Variants in GABRA2 observed in about 807,000 individuals in gnomAD.
GABRA2 encodes the protein gamma-aminobutyric acid receptor subunit alpha-2.
A neutral mutation model predicts 48.7 loss-of-function variants in GABRA2; 16 were observed. The observed-to-expected ratio is 0.33, with a 90% CI of 0.22 to 0.50. The LOEUF (loss-of-function observed/expected upper bound fraction) is 0.50, where lower values mean the gene tolerates loss of function less well. Among genes scored for constraint, GABRA2 ranks in the 20% least tolerant of loss-of-function variants. GABRA2 has a pLI of 0.98. For synonymous variants in GABRA2, 185 were observed against 184.5 expected (o/e 1.00, Z -0.02); for missense variants, 275 against 535.6 (o/e 0.51, Z 4.80).
At chr4:46,266,664 A>C (rs526608) in intron 8 of GABRA2, among the ~76,000 whole-genome samples, 1 of 149,054 alleles carries the variant, frequency 6.7e-6, no homozygotes, top group Non-Finnish European at 1.5e-5. Flanking sequence ...ATGTGCTGAT[A>C]GATGGTTTTC....
intron 3 of GABRA2, among the ~76,000 whole-genome samples, chr4:46,377,485 GCCCCTCCGCCC>G (rs1308678442): frequency 7.5e-6 from 1 of 133,616 alleles, no homozygotes; most frequent in East Asian, 2.5e-4. Context: ...GAAGTGAGGA[GCCCCTCCGCCC>G]AGCAACCGCC....
rs928658111 is a variant in GABRA2 at position 46,362,392 on chromosome 4, C to T, written c.187+23682G>A. On this transcript the variant is annotated intron_variant, in intron 3 of 9. Transcript: ENST00000381620. ...TATGATTACAAGGCCTCCCCAGCCA[C>T]GTGGAACTGTAAGTCCATTAAAGTC... is the stretch of plus-strand genomic sequence containing the variant. Among the ~76,000 whole-genome samples, 5 of 152,224 alleles carry T rather than the reference C, an allele frequency of 3.3e-5. No individual in the cohort carries two copies. The East Asian group carries it at 7.7e-4, about 24-fold the overall frequency.
In GABRA2 at chr4:46,280,976, C is replaced by G. The variant is rs574125815; in HGVS notation, c.857-18848G>C. Among the ~76,000 whole-genome samples, 117 of 152,264 alleles carry G rather than the reference C, an allele frequency of 7.7e-4. 3 individuals are homozygous for G. The South Asian group carries it at 0.022, about 29-fold the overall frequency. On this transcript the variant is annotated intron_variant, in intron 8 of 9. Coordinates refer to ENST00000381620, the MANE Select transcript of GABRA2 (RefSeq NM_000807.4). ...TCACCAGAAACTGATCTTGCTGAAC[C>G]CTGATCATCGACTTCCAGTCTCCAG...
chr4:46,347,394 T>C (rs978526562), intron 3 of GABRA2, among the ~76,000 whole-genome samples: 1 of 151,854 alleles, frequency 6.6e-6, no homozygotes, highest in African/African-American at 2.4e-5. Flanking sequence ...TAAAACTACA[T>C]ATATCAACCA....
At chr4:46,259,586 A>G (rs1306069138) in intron 9 of GABRA2, among the ~76,000 whole-genome samples, 1 of 151,970 alleles carries the variant, frequency 6.6e-6, no homozygotes, top group Non-Finnish European at 1.5e-5. Context: ...CTTAAAACAT[A>G]CAATATCAAT....
At chr4:46,276,635 T>C (rs1486826856) in intron 8 of GABRA2, among the ~76,000 whole-genome samples, 2 of 151,146 alleles carry the variant, frequency 1.3e-5, no homozygotes, top group East Asian at 2.0e-4. Context: ...TTTGATGTCA[T>C]AATGATGTAA....
chr4:46,265,250 G>A (rs529584836), intron 8 of GABRA2, among the ~76,000 whole-genome samples: 2 of 149,420 alleles, frequency 1.3e-5, no homozygotes, highest in East Asian at 3.9e-4. Context: ...TGGCCTGGCT[G>A]GTCTCAAACT....
At chr4:46,286,266 G>A (rs1231397601) in intron 8 of GABRA2, among the ~76,000 whole-genome samples, 3 of 152,044 alleles carry the variant, frequency 2.0e-5, no homozygotes, top group African/African-American at 7.2e-5. Context: ...CATCCAGGTT[G>A]TAGCATATAT....
intron 3 of GABRA2, among the ~76,000 whole-genome samples, chr4:46,338,201 A>T (rs1033712461): frequency 6.6e-5 from 10 of 151,996 alleles, no homozygotes; most frequent in Non-Finnish European, 1.5e-4. Context: ...TGTGCATCAT[A>T]TGAAAGAAGA....
intron 4 of GABRA2, among the ~76,000 whole-genome samples, chr4:46,324,901 T>C (rs1273374083): frequency 1.3e-5 from 2 of 151,986 alleles, no homozygotes; most frequent in Non-Finnish European, 2.9e-5. Flanking sequence ...CATAATTTCA[T>C]TATTTTTTAT....
At chr4:46,337,110 ACATCTGCCTGT>A (rs921634820) in intron 3 of GABRA2, among the ~76,000 whole-genome samples, 2 of 152,124 alleles carry the variant, frequency 1.3e-5, no homozygotes, top group African/African-American at 4.8e-5. Context: ...GTAAAGAAAA[ACATCTGCCTGT>A]GAAAGACCCA....
Position 46,285,506 on chromosome 4 carries a change from G to A in GABRA2, c.856+17954C>T, listed in dbSNP as rs78833752. 1.6e-4 allele frequency among the ~76,000 whole-genome samples: 25 copies of A among 151,894 alleles called. No individual in the cohort carries two copies. The East Asian group carries it at 2.9e-3, about 18-fold the overall frequency. On this transcript the variant is annotated intron_variant, in intron 8 of 9. Coordinates refer to ENST00000381620, the MANE Select transcript of GABRA2 (RefSeq NM_000807.4). ...GTAGAGTCTTCTGTTGACTCCCTCC[G>A]AAATATACAACTATTTGACTTATAC...
At chr4:46,358,400 A>ATTTTG (rs1263299670) in intron 3 of GABRA2, among the ~76,000 whole-genome samples, 3 of 152,156 alleles carry the variant, frequency 2.0e-5, no homozygotes, top group Admixed American at 6.5e-5. Context: ...AAGGGCTTTC[A>ATTTTG]TTTTGTTTTG....
rs192021597 is a variant in GABRA2, at chr4:46,285,257, A to G, written c.856+18203T>C. On this transcript the variant is annotated intron_variant, in intron 8 of 9. Transcript: ENST00000381620. ...TTATCACCTGACAACCTCAACTTAC[A>G]TAATGTATGATTTTTGAATCCTTAA... Among the ~76,000 whole-genome samples the G allele has an allele frequency of 1.3e-3, 202 of 152,240 alleles. 1 individual carries two copies. Among genetic ancestry groups the G allele is most frequent in the Middle Eastern group, 3.4e-3 (1 of 294 alleles).
Position 46,246,580 on chromosome 4 carries a change from A to G in GABRA2, c.*3728T>C, listed in dbSNP as rs1278515533. Among the ~76,000 whole-genome samples, 1 of 151,232 alleles carries G rather than the reference A, an allele frequency of 6.6e-6. No homozygotes were observed. Among genetic ancestry groups the G allele is most frequent in the African/African-American group, 2.4e-5 (1 of 41,362 alleles). ...AGGAAAATGAATGGCACTATAGGGT[A>G]GCAATGAGTCAGGTAGTAATCCCCT... On this transcript the variant is annotated 3_prime_UTR_variant, in exon 10 of 10. Transcript: ENST00000381620.
At chr4:46,351,018 A>C (rs976595268) in intron 3 of GABRA2, among the ~76,000 whole-genome samples, 1 of 151,904 alleles carries the variant, frequency 6.6e-6, no homozygotes, top group Non-Finnish European at 1.5e-5. Context: ...CCTTATATCT[A>C]TAATGCATAT....
At chr4:46,268,637 C>CA (rs1236819477) in intron 8 of GABRA2, among the ~76,000 whole-genome samples, 2 of 151,674 alleles carry the variant, frequency 1.3e-5, no homozygotes, top group East Asian at 1.9e-4. Context: ...GGGAGTTTTT[C>CA]AAAAAACAGA....
intron 8 of GABRA2, among the ~76,000 whole-genome samples, chr4:46,284,424 C>T (rs1722134473): frequency 1.3e-5 from 2 of 152,132 alleles, no homozygotes; most frequent in African/African-American, 4.8e-5. Context: ...ATGAAGGGAG[C>T]TGGGCTTACT....
rs562334034 is a variant in GABRA2 at position 46,359,509 on chromosome 4, C to A, written c.187+26565G>T. On this transcript the variant is annotated intron_variant, in intron 3 of 9. Coordinates refer to ENST00000381620, the MANE Select transcript of GABRA2 (RefSeq NM_000807.4). ...GAAATGTGTAACTACAACAACATAT[C>A]TACAATTGCCTGTACCAAGTAATAA... 1.1e-3 allele frequency among the ~76,000 whole-genome samples: 167 copies of A among 152,214 alleles called. 2 individuals are homozygous for A. Among genetic ancestry groups the A allele is most frequent in the African/African-American group, 4.0e-3 (165 of 41,514 alleles).
Sources: gnomAD v4.1 joint callset for allele counts (sites outside exome capture counted in the v4.1 genomes callset) on GRCh38, gnomAD v4.1.1 for gene constraint, MANE v1.5 for transcripts, NCBI Gene and HGNC (gene_info 2026-07-23, HGNC 2026-07-21) for gene names.